RAP1GAP2: variants seen among roughly 807,000 people sequenced by gnomAD.
The protein encoded by RAP1GAP2 is RAP1 GTPase activating protein 2.
Under a neutral mutation model 95.0 loss-of-function variants are expected in RAP1GAP2, and 27 were observed. The ratio of observed to expected loss-of-function variants is 0.28; its 90% CI spans 0.21 to 0.39. RAP1GAP2 has a LOEUF of 0.39. RAP1GAP2 is among the 10% of genes least tolerant of loss of function. The probability of loss-of-function intolerance (pLI) is 1.00; values close to 1 mark genes in which losing one functional copy is unlikely to be tolerated. For synonymous variants in RAP1GAP2, 373 were observed against 380.9 expected (o/e 0.98, Z 0.24); for missense variants, 771 against 970.0 (o/e 0.79, Z 2.72).
chr17:3,012,621 A>C (rs1001729326), intron 17 of RAP1GAP2, among the ~76,000 whole-genome samples: 10 of 151,576 alleles, frequency 6.6e-5, no homozygotes, highest in East Asian at 1.9e-4. Flanking sequence ...AAAAAAAAAA[A>C]AAAAAAAAAA....
rs12603242 is a variant in RAP1GAP2 at position 2,797,754 on chromosome 17, G to A, written c.44+1183G>A. The A allele has an allele frequency of 4.2e-3, 4,176 of 985,332 alleles. 173 individuals are homozygous for A. In the Admixed American group the frequency reaches 0.11, roughly 27 times the overall value. 61.0% of individuals were successfully genotyped at this position (985,332 alleles called of 1,614,324 possible). A position where few individuals can be genotyped will look rare whatever the true frequency, so the allele number is the denominator to read the frequency against. ...TGTCTGCTCTCGGGCCCTCCCTGAC[G>A]CCTGGATCTGGGAGCTGCCACCCCG... On this transcript the variant is annotated intron_variant, in intron 1 of 24. Transcript: ENST00000254695. The surrounding 1 kb of genome is among the most constrained non-coding windows in gnomAD (Gnocchi z 5.6).
At chr17:2,875,198 C>G (rs919011604) in intron 2 of RAP1GAP2, among the ~76,000 whole-genome samples, 1 of 152,118 alleles carries the variant, frequency 6.6e-6, no homozygotes, top group African/African-American at 2.4e-5. Flanking sequence ...TCCGGAGTAG[C>G]TGAGATTACA....
intron 8 of RAP1GAP2, among the ~76,000 whole-genome samples, chr17:2,968,990 CAGT>C (rs1457089680): frequency 2.0e-5 from 3 of 151,962 alleles, no homozygotes; most frequent in South Asian, 2.1e-4. Context: ...TTTATATTGT[CAGT>C]AGTATATATT....
chr17:2,892,111 A>C (rs900297831), intron 2 of RAP1GAP2, among the ~76,000 whole-genome samples: 1 of 152,062 alleles, frequency 6.6e-6, no homozygotes, highest in Non-Finnish European at 1.5e-5. Flanking sequence ...GGCGTGAGCC[A>C]CCGCACCCGG....
chr17:2,973,932 C>G (rs1440709874), intron 8 of RAP1GAP2, among the ~76,000 whole-genome samples: 1 of 152,128 alleles, frequency 6.6e-6, no homozygotes, highest in Non-Finnish European at 1.5e-5. Context: ...TAAAAGCTGT[C>G]TGAGGATACA....
chr17:2,962,466 T>C (rs1354789179), intron 4 of RAP1GAP2: 6 of 552,396 alleles, frequency 1.1e-5, no homozygotes, highest in Non-Finnish European at 1.9e-5. Flanking sequence ...CTCAAGTCTA[T>C]GCTGTTAGCC....
intron 3 of RAP1GAP2, among the ~76,000 whole-genome samples, chr17:2,928,769 A>C (rs949560978): frequency 1.3e-5 from 2 of 151,894 alleles, no homozygotes; most frequent in Admixed American, 1.3e-4. Flanking sequence ...CAAGACCCAG[A>C]TGGTCTCTTC....
chr17:2,900,149 GGGGGCCTTACACCTGGCCCCA>G (rs1263878510), intron 2 of RAP1GAP2, among the ~76,000 whole-genome samples: 5 of 152,176 alleles, frequency 3.3e-5, no homozygotes, highest in African/African-American at 1.2e-4. Flanking sequence ...CCCGTGTGGA[GGGGGCCTTACACCTGGCCCCA>G]GAGCCACCTG....
rs531174525 is a variant in RAP1GAP2, at chr17:3,003,376, C to A, written c.1201-1993C>A. On this transcript the variant is annotated intron_variant, in intron 14 of 24. Transcript: ENST00000254695. The surrounding 1 kb of genome is among the most constrained non-coding windows in gnomAD (Gnocchi z 4.1). The stretch of plus-strand genomic sequence containing the variant: ...ACCAGGACTACCCCTTTCCCTCCCC[C>A]CTATCCCTGCCTCCCTCTCCGGAAG... 3.9e-5 allele frequency among the ~76,000 whole-genome samples: 6 copies of A among 151,974 alleles called. No individual in the cohort carries two copies. The highest frequency in any genetic ancestry group is 8.8e-5 in the Non-Finnish European group (6 of 68,026).
At chr17:2,881,969 T>C (rs1053316695) in intron 2 of RAP1GAP2, among the ~76,000 whole-genome samples, 5 of 149,240 alleles carry the variant, frequency 3.4e-5, no homozygotes, top group Admixed American at 6.7e-5. Context: ...TACAGGTGCC[T>C]GCCACCACGC....
At position 2,964,020 on chromosome 17, in the gene RAP1GAP2, C is replaced by T. The variant is rs746945738; in HGVS notation, c.444C>T (p.Leu148=). The change falls in exon 7 of 25, where the codon CTC becomes CTT. Residue 148 remains leucine, a synonymous_variant. Transcript: ENST00000254695. ...GCCCCAACACATTTGGCTACAAGCT[C>T]GAGTGCAAGGGTGAAGCCAGGGCCT... ...NLSPNTFGYK[L]ECKGEARAYR... is the part of the protein sequence containing the mutation. 2.0e-5 allele frequency: 33 copies of T among 1,611,428 alleles called. No homozygotes were observed. Among genetic ancestry groups the T allele is most frequent in the South Asian group, 3.3e-5 (3 of 90,984 alleles).
chr17:2,969,045 A>G (rs993219366), intron 8 of RAP1GAP2, among the ~76,000 whole-genome samples: 2 of 152,104 alleles, frequency 1.3e-5, no homozygotes, highest in Admixed American at 1.3e-4. Flanking sequence ...TGATTATGGA[A>G]AAATTCACAG....
At position 2,759,612 on chromosome 17, in the gene RAP1GAP2, G is replaced by A. The variant is rs137998138; in HGVS notation, c.50+3845G>A. Among the ~76,000 whole-genome samples, 574 of 152,088 alleles carry A rather than the reference G, an allele frequency of 3.8e-3. 3 individuals are homozygous for A. The highest frequency in any genetic ancestry group is 0.013 in the African/African-American group (542 of 41,490). The stretch of plus-strand genomic sequence containing the variant: ...ATTACAGGCGCCTGCCACCATACCC[G>A]GCTAATTTTTATATTTTTAGTAGAG... On this transcript the variant is annotated intron_variant, in intron 1 of 25. Coordinates refer to the RAP1GAP2 transcript ENST00000637138.
At chr17:2,887,258 A>G (rs1360886489) in intron 2 of RAP1GAP2, among the ~76,000 whole-genome samples, 1 of 151,798 alleles carries the variant, frequency 6.6e-6, no homozygotes, top group African/African-American at 2.4e-5. Context: ...GGGTTTCCCC[A>G]TATTGCCCAG....
chr17:2,898,957 G>A (rs1025477486), intron 2 of RAP1GAP2, among the ~76,000 whole-genome samples: 8 of 138,998 alleles, frequency 5.8e-5, no homozygotes, highest in South Asian at 4.3e-4. Context: ...ATTGATTAGC[G>A]ATTGCATCCC....
intron 2 of RAP1GAP2, among the ~76,000 whole-genome samples, chr17:2,809,198 G>A (rs575804362): frequency 3.3e-5 from 5 of 152,304 alleles, no homozygotes; most frequent in East Asian, 3.9e-4. Context: ...ACAGCTCCCC[G>A]GACTTGGCCA....
intron 1 of RAP1GAP2, among the ~76,000 whole-genome samples, chr17:2,758,181 C>CTT (rs1555537909): frequency 1.6e-5 from 2 of 124,148 alleles, no homozygotes; most frequent in African/African-American, 3.1e-5. Flanking sequence ...GCCCCCCCCC[C>CTT]TTTTTTTTTT....
At chr17:2,763,532 C>T (rs992991616) in intron 1 of RAP1GAP2, among the ~76,000 whole-genome samples, 3 of 151,924 alleles carry the variant, frequency 2.0e-5, no homozygotes, top group Non-Finnish European at 4.4e-5. Flanking sequence ...CCTGTCTCTA[C>T]TAAAAATGCA....
intron 3 of RAP1GAP2, among the ~76,000 whole-genome samples, chr17:2,929,961 G>A (rs570475899): frequency 1.3e-5 from 2 of 152,306 alleles, no homozygotes; most frequent in Middle Eastern, 3.4e-3. Context: ...GAGCAGACTC[G>A]TCACTCCCGG....
Sources: allele counts gnomAD v4.1 joint callset (sites outside exome capture counted in the v4.1 genomes callset), GRCh38; gene constraint gnomAD v4.1.1; non-coding constraint Gnocchi (gnomAD v3.1); transcripts MANE v1.5; gene names NCBI Gene and HGNC (gene_info 2026-07-23, HGNC 2026-07-21).